Variants in INO80D observed in about 807,000 individuals in gnomAD.
INO80D encodes the protein INO80 complex subunit D.
Under a neutral mutation model 87.6 loss-of-function variants are expected in INO80D, and 21 were observed. That is an observed-to-expected ratio of 0.24 (90% CI 0.17 to 0.35). The LOEUF (loss-of-function observed/expected upper bound fraction) is 0.35, where lower values mean the gene tolerates loss of function less well. Ranked by LOEUF, INO80D falls within the 10% of genes least tolerant of loss-of-function variation. INO80D has a pLI of 1.00. For missense variants in INO80D, 982 were observed against 1,280.7 expected, an observed-to-expected ratio of 0.77 and a Z score of 3.56; for synonymous variants, 440 against 491.0, an observed-to-expected ratio of 0.90 and a Z score of 1.37.
intron 8 of INO80D, among the ~76,000 whole-genome samples, chr2:206,011,664 C>T (rs985328688): frequency 1.3e-5 from 2 of 152,196 alleles, no homozygotes; most frequent in African/African-American, 4.8e-5. Context: ...GAGTCTCTTA[C>T]CAATGGCTGT....
intron 1 of INO80D, among the ~76,000 whole-genome samples, chr2:206,082,906 G>A (rs1395891197): frequency 6.6e-6 from 1 of 152,122 alleles, no homozygotes; most frequent in Non-Finnish European, 1.5e-5. Context: ...GTAGCAACAT[G>A]ATTTGCTGAG....
chr2:206,067,001 AC>A (rs1332615469), intron 1 of INO80D, among the ~76,000 whole-genome samples: 4 of 152,156 alleles, frequency 2.6e-5, no homozygotes, highest in Non-Finnish European at 5.9e-5. Flanking sequence ...TAATCCCAGC[AC>A]TTTGGGAGGC....
At position 206,031,223 on chromosome 2, in the gene INO80D, C is replaced by CAAAG. The variant is rs1688757493; in HGVS notation, c.1074-2889_1074-2888insCTTT. 2.7e-5 allele frequency among the ~76,000 whole-genome samples: 4 copies of CAAAG among 150,264 alleles called. No homozygotes were observed. The East Asian group carries it at 7.8e-4, about 29-fold the overall frequency. On this transcript the variant is annotated intron_variant, in intron 5 of 10. Coordinates refer to ENST00000403263, the MANE Select transcript of INO80D (RefSeq NM_017759.5). ...GAGCCAAGATCACGCCAGTGCACTC[C>CAAAG]AGCCTGGGTGACAGAGCAAGACTCC...
chr2:206,079,456 G>A (rs1446865926), intron 1 of INO80D, among the ~76,000 whole-genome samples: 1 of 152,134 alleles, frequency 6.6e-6, no homozygotes, highest in Non-Finnish European at 1.5e-5. Flanking sequence ...CCACTGACTA[G>A]CCCAAATTTG....
intron 6 of INO80D, among the ~76,000 whole-genome samples, chr2:206,025,954 A>G (rs999260974): frequency 2.0e-5 from 3 of 151,942 alleles, no homozygotes; most frequent in Non-Finnish European, 4.4e-5. Flanking sequence ...CTAGAGCACA[A>G]TGGTGTGATC....
At chr2:206,067,745 C>A (rs1034065967) in intron 1 of INO80D, among the ~76,000 whole-genome samples, 1 of 152,122 alleles carries the variant, frequency 6.6e-6, no homozygotes, top group African/African-American at 2.4e-5. Context: ...CAAACACACA[C>A]GTATCTTTCA....
intron 8 of INO80D, among the ~76,000 whole-genome samples, chr2:206,015,910 T>C (rs951087946): frequency 8.6e-5 from 13 of 151,492 alleles, no homozygotes; most frequent in Middle Eastern, 3.2e-3. Flanking sequence ...TGTATAGAAA[T>C]GCCTGGATGC....
In INO80D at chr2:205,995,400, TTAAA is replaced by T. The variant is rs1442112939; in HGVS notation, c.*8964_*8967del. 8 of 152,204 alleles carry T rather than the reference TTAAA, an allele frequency of 5.3e-5. No individual in the cohort carries two copies. The highest frequency in any genetic ancestry group is 1.0e-4 in the Non-Finnish European group (7 of 68,036). 9.4% of individuals were successfully genotyped at this position (152,204 alleles called of 1,614,324 possible). A position where few individuals can be genotyped will look rare whatever the true frequency, so the allele number is the denominator to read the frequency against. On this transcript the variant is annotated 3_prime_UTR_variant, in exon 11 of 11. Transcript: ENST00000403263. Reference sequence around the variant, plus strand: ...CTTTAGATGAGACTTTAAATGTTCTTTAAATAACTTTTGATAATGTATTTTAAAT... The same window carrying T: ...CTTTAGATGAGACTTTAAATGTTCTTTAACTTTTGATAATGTATTTTAAAT...
At chr2:206,043,866 CA>C (rs1368779470) in intron 5 of INO80D, among the ~76,000 whole-genome samples, 4 of 152,084 alleles carry the variant, frequency 2.6e-5, no homozygotes, top group African/African-American at 9.7e-5. Context: ...CAGGTAGCTG[CA>C]ACAAGAAATT....
intron 5 of INO80D, 42 bp downstream of exon 5, chr2:206,046,462 C>T (rs200009461): frequency 2.4e-4 from 306 of 1,257,262 alleles, no homozygotes; most frequent in African/African-American, 6.4e-4. Flanking sequence ...AGCGAGACTC[C>T]GTCTCAAAAA....
At position 205,996,979 on chromosome 2, in the gene INO80D, A is replaced by C. The variant is rs769745200; in HGVS notation, c.*7389T>G. On this transcript the variant is annotated 3_prime_UTR_variant, in exon 11 of 11. Transcript: ENST00000403263. ...GATGCTGCAAAAATACAACTGTAGA[A>C]AAGAACAGCATATAGAGCTTTCCTA... 1.3e-5 allele frequency: 2 copies of C among 152,132 alleles called. No homozygotes were observed. The highest frequency in any genetic ancestry group is 2.9e-5 in the Non-Finnish European group (2 of 67,980). 9.4% of individuals were successfully genotyped at this position (152,132 alleles called of 1,614,324 possible).
chr2:206,025,192 T>C (rs1250755833), intron 6 of INO80D, among the ~76,000 whole-genome samples: 1 of 152,022 alleles, frequency 6.6e-6, no homozygotes, highest in African/African-American at 2.4e-5. Flanking sequence ...CATAAATTCC[T>C]AAATTTTTTC....
intron 4 of INO80D, among the ~76,000 whole-genome samples, chr2:206,047,370 C>A (rs1169890564): frequency 1.3e-5 from 2 of 151,974 alleles, no homozygotes; most frequent in Non-Finnish European, 2.9e-5. Context: ...AGGTGAGCAC[C>A]ACCACGCCCA....
At position 205,995,748 on chromosome 2, in the gene INO80D, T is replaced by C. The variant is rs192930586; in HGVS notation, c.*8620A>G. 12 of 152,228 alleles carry C rather than the reference T, an allele frequency of 7.9e-5. No homozygotes were observed. The highest frequency in any genetic ancestry group is 2.4e-4 in the African/African-American group (10 of 41,564). The allele number at this position is 152,228 out of a possible 1,614,324, so 9.4% of individuals were successfully genotyped here. On this transcript the variant is annotated 3_prime_UTR_variant, in exon 11 of 11. Transcript: ENST00000403263. ...AGGCACAATATATAGGGATGCAAGT[T>C]TTCTAGAGAGCTGCAGCAAAGTTAA...
intron 6 of INO80D, among the ~76,000 whole-genome samples, chr2:206,024,089 T>C (rs1159352078): frequency 6.6e-6 from 1 of 152,234 alleles, no homozygotes; most frequent in African/African-American, 2.4e-5. Context: ...ACTAAAAGTA[T>C]ACACTTGAAA....
chr2:206,005,575 C>G, intron 10 of INO80D, 42 bp from the exon 11 acceptor site: 1 of 1,402,464 alleles, frequency 7.1e-7, no homozygotes, highest in Non-Finnish European at 9.9e-7. Context: ...GAGCTTTTAC[C>G]AGTTCTACAT....
In INO80D at chr2:206,028,321, T is replaced by A; in HGVS notation, c.1088A>T (p.Asp363Val). 1.3e-6 allele frequency: 2 copies of A among 1,591,672 alleles called. No homozygotes were observed. Residue 363 changes from aspartate (D) to valine (V), a missense_variant, in exon 6 of 11, where the codon GAT becomes GTT. Transcript: ENST00000403263. The stretch of plus-strand genomic sequence containing the variant: ...CACCCTGGAGCTCCTACTCTCCGCA[T>A]CATCATCATCTGACCTGGAAAGTGC... ...RYQRHASDDD[D>V]AESRSSRVTQ...
intron 6 of INO80D, among the ~76,000 whole-genome samples, chr2:206,027,816 C>T (rs906381807): frequency 6.6e-6 from 1 of 152,158 alleles, no homozygotes; most frequent in African/African-American, 2.4e-5. Context: ...TTTTAAATAA[C>T]ATGAAATTTC....
chr2:206,054,950 C>A (rs1689475551), intron 4 of INO80D, among the ~76,000 whole-genome samples: 1 of 152,160 alleles, frequency 6.6e-6, no homozygotes, highest in Admixed American at 6.5e-5. Context: ...CCAGCCTATA[C>A]ATATATTTTA....
Sources: gnomAD v4.1 joint callset for allele counts (sites outside exome capture counted in the v4.1 genomes callset) on GRCh38, gnomAD v4.1.1 for gene constraint, MANE v1.5 for transcripts, NCBI Gene and HGNC (gene_info 2026-07-23, HGNC 2026-07-21) for gene names.